The following ATXN1 variants were observed in gnomAD, a reference collection of about 807,000 sequenced individuals.
ATXN1 encodes the protein ataxin 1, also known as ataxin-1.
A neutral mutation model predicts 56.4 loss-of-function variants in ATXN1; 8 were observed. The observed-to-expected ratio is 0.14, with a 90% CI of 0.08 to 0.26. ATXN1 has a LOEUF of 0.26. Among genes scored for constraint, ATXN1 ranks in the 10% least tolerant of loss-of-function variants. ATXN1 has a pLI of 1.00. For synonymous variants in ATXN1, 514 were observed against 494.6 expected, an observed-to-expected ratio of 1.04 and a Z score of -0.52; for missense variants, 987 against 1,106.5, an observed-to-expected ratio of 0.89 and a Z score of 1.53.
intron 3 of ATXN1, among the ~76,000 whole-genome samples, chr6:16,600,305 T>C (rs1334430684): frequency 6.6e-6 from 1 of 152,168 alleles, no homozygotes; most frequent in Admixed American, 6.5e-5. Flanking sequence ...GGAAATGATT[T>C]TGGAGCAACA....
At chr6:16,554,901 C>T (rs1761984418) in intron 4 of ATXN1, among the ~76,000 whole-genome samples, 1 of 152,144 alleles carries the variant, frequency 6.6e-6, no homozygotes, top group Non-Finnish European at 1.5e-5. Flanking sequence ...ATGTCTACAG[C>T]CTTTAACGAC....
At chr6:16,318,208 A>G (rs1468449850) in intron 7 of ATXN1, among the ~76,000 whole-genome samples, 2 of 152,238 alleles carry the variant, frequency 1.3e-5, no homozygotes, top group Admixed American at 6.5e-5. Context: ...TTCCTTCACA[A>G]GAGTCCCTGT....
rs941965298 is a variant in ATXN1, at chr6:16,342,417, G to A, written c.-160-13947C>T. On this transcript the variant is annotated intron_variant, in intron 6 of 7. Coordinates refer to ENST00000436367, the MANE Select transcript of ATXN1 (RefSeq NM_001128164.2). ...GGGGAAACGAGAACCTATGTGCATC[G>A]TTGGTGGGAACGTAAAATGATGCAG... 4.1e-4 allele frequency among the ~76,000 whole-genome samples: 63 copies of A among 151,984 alleles called. 1 individual carries two copies. Among genetic ancestry groups the A allele is most frequent in the African/African-American group, 1.4e-3 (58 of 41,432 alleles).
intron 3 of ATXN1, among the ~76,000 whole-genome samples, chr6:16,654,305 G>A (rs1404088374): frequency 6.6e-6 from 1 of 152,130 alleles, no homozygotes; most frequent in Non-Finnish European, 1.5e-5. Context: ...CAGCACTTTG[G>A]AAGGCCAAGG....
At chr6:16,544,172 T>TTCCA (rs1561748159) in intron 4 of ATXN1, among the ~76,000 whole-genome samples, 26 of 152,330 alleles carry the variant, frequency 1.7e-4, no homozygotes, top group African/African-American at 6.0e-4. Context: ...TCCACGCTCC[T>TTCCA]CGTCTTTCTC....
At position 16,566,644 on chromosome 6, in the gene ATXN1, G is replaced by T. The variant is rs551037511; in HGVS notation, c.-361+19136C>A. 5.0e-3 allele frequency among the ~76,000 whole-genome samples: 760 copies of T among 152,102 alleles called. 9 individuals are homozygous for T. Among genetic ancestry groups the T allele is most frequent in the African/African-American group, 0.016 (666 of 41,492 alleles). ...CACGGCGGGCGGATCACGAGGTCAG[G>T]AGATCAAGACCATCCTGGCGAACAC... On this transcript the variant is annotated intron_variant, in intron 4 of 7. Transcript: ENST00000436367.
At chr6:16,756,420 T>C (rs1450969662) in intron 1 of ATXN1, among the ~76,000 whole-genome samples, 4 of 152,140 alleles carry the variant, frequency 2.6e-5, no homozygotes, top group African/African-American at 9.7e-5. Flanking sequence ...GAAAAGGAAG[T>C]TCTATATGTA....
intron 6 of ATXN1, among the ~76,000 whole-genome samples, chr6:16,473,668 C>T (rs1760266030): frequency 6.6e-6 from 1 of 152,132 alleles, no homozygotes; most frequent in Admixed American, 6.5e-5. Flanking sequence ...TGGAGTCTGG[C>T]AGGATCCCAC....
At chr6:16,391,271 A>C (rs908630743) in intron 6 of ATXN1, among the ~76,000 whole-genome samples, 1 of 151,924 alleles carries the variant, frequency 6.6e-6, no homozygotes, top group East Asian at 1.9e-4. Context: ...TAAAAAAAAG[A>C]AGCTCTTCTT....
chr6:16,402,261 T>G (rs1195652547), intron 6 of ATXN1, among the ~76,000 whole-genome samples: 2 of 141,718 alleles, frequency 1.4e-5, no homozygotes, highest in Non-Finnish European at 3.0e-5. Flanking sequence ...TTTTTTTTTT[T>G]TTTTTTTTTT....
At chr6:16,663,588 C>T (rs999071928) in intron 2 of ATXN1, among the ~76,000 whole-genome samples, 55 of 152,136 alleles carry the variant, frequency 3.6e-4, no homozygotes, top group African/African-American at 1.1e-3. Flanking sequence ...AAGTATCAGT[C>T]TCATGTCTTA....
intron 6 of ATXN1, among the ~76,000 whole-genome samples, chr6:16,451,205 C>T (rs1471786538): frequency 1.1e-4 from 16 of 152,356 alleles, no homozygotes; most frequent in African/African-American, 3.6e-4. Flanking sequence ...CAGTTGCTCA[C>T]GCCTGTAATC....
intron 6 of ATXN1, among the ~76,000 whole-genome samples, chr6:16,483,411 C>A (rs1489269083): frequency 1.3e-5 from 2 of 152,182 alleles, no homozygotes; most frequent in Non-Finnish European, 2.9e-5. Flanking sequence ...TTCTCCATGG[C>A]ACAGGCTTTG....
rs1172159548 is a variant in ATXN1 at position 16,434,115 on chromosome 6, T to A, written c.-161+51857A>T. Among the ~76,000 whole-genome samples, 4 of 152,122 alleles carry A rather than the reference T, an allele frequency of 2.6e-5. No individual in the cohort carries two copies. In the East Asian group the frequency reaches 7.7e-4, roughly 29 times the overall value. On this transcript the variant is annotated intron_variant, in intron 6 of 7. Coordinates refer to ENST00000436367, the MANE Select transcript of ATXN1 (RefSeq NM_001128164.2). ...TATAATATTTGTGGGTTCATCCTTC[T>A]CCATGTACAGAAACATGTGCACACA...
At chr6:16,720,706 G>A (rs568735426) in intron 2 of ATXN1, among the ~76,000 whole-genome samples, 81 of 152,168 alleles carry the variant, frequency 5.3e-4, no homozygotes, top group African/African-American at 1.8e-3. Context: ...TATTTGGGTC[G>A]AGCTAAAGCA....
intron 6 of ATXN1, among the ~76,000 whole-genome samples, chr6:16,332,137 C>T (rs780667555): frequency 6.6e-6 from 1 of 152,212 alleles, no homozygotes; most frequent in Admixed American, 6.5e-5. Context: ...CCTCCTCCTA[C>T]ATTTAGGGCT....
chr6:16,409,916 G>T (rs1292843181), intron 6 of ATXN1, among the ~76,000 whole-genome samples: 1 of 152,176 alleles, frequency 6.6e-6, no homozygotes, highest in African/African-American at 2.4e-5. Context: ...CTGGTTGCGG[G>T]TTGAGCGAAA....
At chr6:16,490,327 C>T (rs1471839877) in intron 5 of ATXN1, among the ~76,000 whole-genome samples, 2 of 152,172 alleles carry the variant, frequency 1.3e-5, no homozygotes, top group Admixed American at 6.5e-5. Flanking sequence ...GGAAATTTCT[C>T]ACACTCCAAG....
chr6:16,340,666 G>A (rs930852698), intron 6 of ATXN1, among the ~76,000 whole-genome samples: 32 of 152,194 alleles, frequency 2.1e-4, no homozygotes, highest in African/African-American at 6.5e-4. Context: ...TCTCTCTAAC[G>A]TTGTAGTTGG....
Sources: gnomAD v4.1 joint callset for allele counts (sites outside exome capture counted in the v4.1 genomes callset) on GRCh38, gnomAD v4.1.1 for gene constraint, MANE v1.5 for transcripts, NCBI Gene and HGNC (gene_info 2026-07-23, HGNC 2026-07-21) for gene names.